Variants in GSG1L observed in about 807,000 individuals in gnomAD.
GSG1L encodes GSG1 like.
In GSG1L, 24 loss-of-function variants were observed where a neutral mutation model predicts 42.1. That is an observed-to-expected ratio of 0.57 (90% CI 0.41 to 0.80). The LOEUF is 0.80. Ranked by LOEUF, GSG1L falls within the 30% of genes least tolerant of loss-of-function variation. GSG1L has a pLI of 0.00. For synonymous variants in GSG1L, 215 were observed against 203.5 expected (o/e 1.06, Z -0.48); for missense variants, 445 against 472.2 (o/e 0.94, Z 0.53).
At chr16:28,019,561 A>G (rs2085816179) in intron 1 of GSG1L, among the ~76,000 whole-genome samples, 1 of 152,126 alleles carries the variant, frequency 6.6e-6, no homozygotes, top group Non-Finnish European at 1.5e-5. Flanking sequence ...TTACCTTCTT[A>G]ATAAACTTAC....
At chr16:27,964,639 A>G (rs750164638) in intron 1 of GSG1L, among the ~76,000 whole-genome samples, 15 of 152,244 alleles carry the variant, frequency 9.9e-5, no homozygotes, top group Non-Finnish European at 1.6e-4. Context: ...TGGAATCGGA[A>G]GTCATTATGT....
chr16:28,000,193 C>A (rs1331747152), intron 1 of GSG1L, among the ~76,000 whole-genome samples: 1 of 152,200 alleles, frequency 6.6e-6, no homozygotes, highest in Non-Finnish European at 1.5e-5. Flanking sequence ...CACAGCGGGG[C>A]GCAGTGGCTC....
intron 6 of GSG1L, among the ~76,000 whole-genome samples, chr16:27,796,060 T>A (rs961765927): frequency 6.6e-5 from 10 of 152,180 alleles, no homozygotes; most frequent in African/African-American, 2.4e-4. Context: ...GCTCAAGGTC[T>A]CTCTGCAGCT....
intron 1 of GSG1L, among the ~76,000 whole-genome samples, chr16:28,030,955 A>AGATGG (rs1360774273): frequency 1.0e-5 from 1 of 97,970 alleles, no homozygotes; most frequent in Non-Finnish European, 2.0e-5. Flanking sequence ...AGATGGGTTA[A>AGATGG]GATGGGATGG....
intron 2 of GSG1L, among the ~76,000 whole-genome samples, chr16:27,923,489 A>AATCCC (rs1295741875): frequency 9.8e-5 from 15 of 152,294 alleles, no homozygotes; most frequent in African/African-American, 3.6e-4. Context: ...TCACACCTAT[A>AATCCC]ATCCCAGCAC....
intron 1 of GSG1L, among the ~76,000 whole-genome samples, chr16:27,972,170 A>G (rs2085200471): frequency 6.6e-6 from 1 of 152,246 alleles, no homozygotes; most frequent in Non-Finnish European, 1.5e-5. Flanking sequence ...AGAGGGGCCA[A>G]AATAAATGGC....
intron 2 of GSG1L, among the ~76,000 whole-genome samples, chr16:27,892,145 C>T (rs1281384560): frequency 6.6e-6 from 1 of 151,974 alleles, no homozygotes; most frequent in African/African-American, 2.4e-5. Context: ...TCTAAAGTCC[C>T]ATTTTTAAAT....
chr16:27,950,037 T>C (rs72784132), intron 2 of GSG1L, among the ~76,000 whole-genome samples: 18,481 of 152,208 alleles, frequency 0.12, 1,268 homozygotes, highest in East Asian at 0.25. Context: ...TATAGACATG[T>C]ATGATGATGT....
intron 6 of GSG1L, among the ~76,000 whole-genome samples, chr16:27,797,010 C>A (rs2082824927): frequency 6.6e-6 from 1 of 152,126 alleles, no homozygotes; most frequent in African/African-American, 2.4e-5. Context: ...GTGCCAGGAA[C>A]CATTCAATGT....
chr16:28,034,465 A>G (rs1379696276), intron 1 of GSG1L, among the ~76,000 whole-genome samples: 1 of 152,240 alleles, frequency 6.6e-6, no homozygotes, highest in Non-Finnish European at 1.5e-5. Context: ...GCGGGGCTTC[A>G]GTCTCAGCTG....
In GSG1L at chr16:27,884,657, G is replaced by T; in HGVS notation, c.398-19C>A. 6.4e-7 allele frequency: 1 copy of T among 1,559,760 alleles called. No homozygotes were observed. The highest frequency in any genetic ancestry group is 1.2e-5 in the South Asian group (1 of 84,778). Reference sequence around the variant, plus strand: ...AGGACCCCTGTCCAACAGAGGCAGAGAGGCCGTGAGATGAGGGGCCACCCA... The same window carrying T: ...AGGACCCCTGTCCAACAGAGGCAGATAGGCCGTGAGATGAGGGGCCACCCA... On this transcript the variant is annotated intron_variant, in intron 2 of 6. Transcript: ENST00000447459. This position sits in a 1 kb window ranked among gnomAD's most constrained non-coding sequence, Gnocchi z 4.4.
rs145372109 is a variant in GSG1L, at chr16:27,987,046, G to A, written c.350-23843C>T. ...CACCTGGCCAACATGGTGAAACCCC[G>A]TCTCTACTAAAAATACAAAAATTAG... On this transcript the variant is annotated intron_variant, in intron 1 of 6. Transcript: ENST00000447459. Among the ~76,000 whole-genome samples, 1,179 of 152,094 alleles carry A rather than the reference G, an allele frequency of 7.8e-3. 18 individuals are homozygous for A. The highest frequency in any genetic ancestry group is 0.065 in the East Asian group (334 of 5,144).
chr16:28,013,960 A>G (rs539470067), intron 1 of GSG1L, among the ~76,000 whole-genome samples: 20 of 152,336 alleles, frequency 1.3e-4, no homozygotes, highest in African/African-American at 4.8e-4. Flanking sequence ...CATACAGAGC[A>G]ATGACTTGGA....
intron 1 of GSG1L, among the ~76,000 whole-genome samples, chr16:28,008,055 T>A (rs2141152189): frequency 6.6e-6 from 1 of 152,234 alleles, no homozygotes; most frequent in South Asian, 2.1e-4. Context: ...TGTAGGTAAG[T>A]TCCCCCAAAT....
At position 27,979,642 on chromosome 16, in the gene GSG1L, GGAAA is replaced by G. The variant is rs200521273; in HGVS notation, c.350-16443_350-16440del. The stretch of plus-strand genomic sequence containing the variant: ...GAAAGGGAGATGGGCAGGAGGGAGG[GGAAA>G]GAAAGAAAGAAAGAAAGAGAGAGAG... On this transcript the variant is annotated intron_variant, in intron 1 of 6. Transcript: ENST00000447459. 9.1e-4 allele frequency among the ~76,000 whole-genome samples: 51 copies of G among 55,974 alleles called. 2 individuals carry two copies. The highest frequency in any genetic ancestry group is 2.0e-3 in the African/African-American group (22 of 11,158). The allele number at this position is 55,974 out of a possible 152,430, so 36.7% of individuals were successfully genotyped here.
chr16:27,865,511 C>T (rs1449548135), intron 3 of GSG1L, among the ~76,000 whole-genome samples: 1 of 128,734 alleles, frequency 7.8e-6, no homozygotes, highest in Non-Finnish European at 1.6e-5. Flanking sequence ...TTCTTTCTTT[C>T]TCTCTCTCTT....
Position 27,828,050 on chromosome 16 carries a change from TCATCCATC to T in GSG1L, c.830+731_830+738del, listed in dbSNP as rs57317132. The stretch of plus-strand genomic sequence containing the variant: ...CTACCTATCCACCCTATCCACCCAA[TCATCCATC>T]CATCCATCCATCCATCCATCCATCC... On this transcript the variant is annotated intron_variant, in intron 5 of 6. Coordinates refer to ENST00000447459, the MANE Select transcript of GSG1L (RefSeq NM_001109763.2). Among the ~76,000 whole-genome samples the T allele has an allele frequency of 6.7e-3, 879 of 131,166 alleles. 5 individuals carry two copies. The highest frequency in any genetic ancestry group is 0.021 in the African/African-American group (779 of 37,342). The allele number at this position is 131,166 out of a possible 152,430, so 86.0% of individuals were successfully genotyped here.
At chr16:27,855,706 C>T (rs1053717187) in intron 3 of GSG1L, among the ~76,000 whole-genome samples, 20 of 129,378 alleles carry the variant, frequency 1.5e-4, no homozygotes, top group African/African-American at 3.6e-4. Context: ...GGTGACAGAA[C>T]GAGACTCAGT....
intron 5 of GSG1L, among the ~76,000 whole-genome samples, chr16:27,817,179 G>A (rs2083104344): frequency 6.6e-6 from 1 of 152,224 alleles, no homozygotes; most frequent in Non-Finnish European, 1.5e-5. Context: ...AGGGCCGAAT[G>A]TGGCCACAAT....
Sources: allele counts gnomAD v4.1 joint callset (sites outside exome capture counted in the v4.1 genomes callset), GRCh38; gene constraint gnomAD v4.1.1; non-coding constraint Gnocchi (gnomAD v3.1); transcripts MANE v1.5; gene names NCBI Gene and HGNC (gene_info 2026-07-23, HGNC 2026-07-21).